CIZ1: variants seen among roughly 807,000 people sequenced by gnomAD.
CIZ1 encodes the protein cip1-interacting zinc finger protein.
CIZ1 carries 58 observed loss-of-function variants against 118.6 expected under a neutral mutation model. The observed-to-expected ratio is 0.49, with a 90% CI of 0.40 to 0.61. The LOEUF (loss-of-function observed/expected upper bound fraction) is 0.61. CIZ1 is among the 20% of genes least tolerant of loss of function. The pLI is 0.00. For missense variants in CIZ1, 921 were observed against 1,115.9 expected (o/e 0.83, Z 2.49); for synonymous variants, 448 against 443.4 (o/e 1.01, Z -0.13).
chr9:128,196,604 ATTAT>A (rs931580382), upstream of CIZ1, among the ~76,000 whole-genome samples: 1 of 151,418 alleles, frequency 6.6e-6, no homozygotes. Context: ...GAATGTCTCT[ATTAT>A]TTATTTATTT....
rs1463165869 is a variant in CIZ1, at chr9:128,176,439, G to C, written c.1855C>G (p.Gln619Glu). 1 of 1,613,710 alleles carries C rather than the reference G, an allele frequency of 6.2e-7. No individual in the cohort carries two copies. Among genetic ancestry groups the C allele is most frequent in the South Asian group, 1.1e-5 (1 of 91,088 alleles). ...ATGTGCTGGATCTCCCCTAGCCGCT[G>C]CTGGTGCTGAGGCTCCGACATGTGG... Reference protein sequence around the residue: ...QDHMSEPQHQQRLGEIQHMSQ... With the variant: ...QDHMSEPQHQERLGEIQHMSQ... The change falls in exon 11 of 17, where the codon CAG becomes GAG. Residue 619 changes from glutamine to glutamate, a missense_variant. By Grantham distance (29) the Gln-to-Glu change is conservative. Coordinates refer to ENST00000372938, the MANE Select transcript of CIZ1 (RefSeq NM_001131016.2).
Position 128,169,174 on chromosome 9 carries a change from C to CAA in CIZ1, c.2172_2173insTT (p.Gly725LeufsTer43). On this transcript the variant is annotated frameshift_variant, in exon 14 of 17. Transcript: ENST00000372938. LOFTEE classifies it high-confidence loss of function. ...GTAATGAAGTGGTCCTCATCTTGGC[C>CAA]AGCAATTTCTTTCTCAAGCGACTTC... The CAA allele has an allele frequency of 6.2e-7, 1 of 1,614,190 alleles. No homozygotes were observed. The highest frequency in any genetic ancestry group is 8.5e-7 in the Non-Finnish European group (1 of 1,180,040).
chr9:128,175,803 G>C (rs1830772273), intron 11 of CIZ1, among the ~76,000 whole-genome samples: 1 of 152,114 alleles, frequency 6.6e-6, no homozygotes, highest in Non-Finnish European at 1.5e-5. Context: ...AGCTAACATG[G>C]TCCTGCTGCT....
intron 1 of CIZ1, among the ~76,000 whole-genome samples, chr9:128,201,689 C>A (rs1833524311): frequency 6.6e-6 from 1 of 152,222 alleles, no homozygotes; most frequent in Admixed American, 6.5e-5. Context: ...GGCATCCTCA[C>A]AGCTGCAGCT....
At chr9:128,194,731 T>C (rs1447765615), upstream of CIZ1, among the ~76,000 whole-genome samples, 3 of 151,932 alleles carry the variant, frequency 2.0e-5, no homozygotes, top group Non-Finnish European at 2.9e-5. Flanking sequence ...GGCAGGAGAA[T>C]CGCTTGAACC....
At chr9:128,184,566 C>T (rs1212812040) in intron 5 of CIZ1, among the ~76,000 whole-genome samples, 1 of 140,034 alleles carries the variant, frequency 7.1e-6, no homozygotes, top group African/African-American at 2.6e-5. Flanking sequence ...GATCATAATT[C>T]ACTGCAGCCT....
At chr9:128,195,004 A>T (rs1183378443), upstream of CIZ1, among the ~76,000 whole-genome samples, 3 of 151,630 alleles carry the variant, frequency 2.0e-5, no homozygotes, top group Non-Finnish European at 4.4e-5. Context: ...TTTTTTTTTT[A>T]AAGACAGGGG....
intron 3 of CIZ1, among the ~76,000 whole-genome samples, chr9:128,188,316 G>A (rs10987915): frequency 6.6e-6 from 1 of 152,098 alleles, no homozygotes; most frequent in Non-Finnish European, 1.5e-5. Context: ...ACAATCATCA[G>A]ATACAAATCC....
chr9:128,190,670 C>G lies in CIZ1; in HGVS notation c.170+18G>C, dbSNP rs1213610092. 7.1e-6 allele frequency: 11 copies of G among 1,548,402 alleles called. No individual in the cohort carries two copies. Among genetic ancestry groups the G allele is most frequent in the Non-Finnish European group, 9.6e-6 (11 of 1,148,226 alleles). Reference sequence around the variant, plus strand: ...GAGTAGCAAGGCTGAAGCCATCGCGCCCGAGAGGGGAACTCACCGGCTGAC... The same window carrying G: ...GAGTAGCAAGGCTGAAGCCATCGCGGCCGAGAGGGGAACTCACCGGCTGAC... On this transcript the variant is annotated intron_variant, in intron 2 of 16. Coordinates refer to ENST00000372938, the MANE Select transcript of CIZ1 (RefSeq NM_001131016.2).
chr9:128,172,147 CAAAAAAAAAAAA>C (rs58895140), intron 11 of CIZ1, among the ~76,000 whole-genome samples: 138 of 69,184 alleles, frequency 2.0e-3, no homozygotes, highest in Middle Eastern at 0.011. Flanking sequence ...GACACTGTCT[CAAAAAAAAAAAA>C]AAAAAAAAAA....
chr9:128,178,497 T>G lies in CIZ1; in HGVS notation c.1499-7A>C. ...GGCAAGGTCTTTTCCATGCCTGAAA[T>G]GACAGATGTGCTGTATTTCCCAGAG... On this transcript the variant is annotated splice_polypyrimidine_tract_variant and splice_region_variant and intron_variant, in intron 8 of 16. Transcript: ENST00000372938. The G allele has an allele frequency of 1.9e-6, 3 of 1,614,174 alleles. No homozygotes were observed. The highest frequency in any genetic ancestry group is 2.5e-6 in the Non-Finnish European group (3 of 1,180,030).
chr9:128,173,446 G>T, intron 11 of CIZ1, among the ~76,000 whole-genome samples: 1 of 151,840 alleles, frequency 6.6e-6, no homozygotes, highest in East Asian at 2.0e-4. Context: ...CGCCCGGCCG[G>T]CTAATTTTTT....
chr9:128,181,070 C>G (rs1831540361), intron 5 of CIZ1, among the ~76,000 whole-genome samples: 1 of 152,156 alleles, frequency 6.6e-6, no homozygotes, highest in African/African-American at 2.4e-5. Flanking sequence ...CACAGTGCTA[C>G]CTCCTGACCT....
rs202210573 is a variant in CIZ1, at chr9:128,178,798, T to G, written c.1409A>C (p.Gln470Pro). Reference protein sequence around the residue: ...QTHEQPHTQPQVSLLAPEQTP... With the variant: ...QTHEQPHTQPPVSLLAPEQTP... ...TTGCTCTGGAGCCAGCAACGACACCTGCGGCTGGGTGTGAGGCTGCTCATG... is the reference window on the plus strand; with the variant it reads ...TTGCTCTGGAGCCAGCAACGACACCGGCGGCTGGGTGTGAGGCTGCTCATG... Residue 470 changes from glutamine to proline, a missense_variant, in exon 8 of 17, where the codon CAG (glutamine) becomes CCG (proline). Physicochemically the swap from Gln to Pro is moderately conservative, Grantham distance 76 (BLOSUM62 -1). Transcript: ENST00000372938. The G allele has an allele frequency of 2.4e-4, 394 of 1,614,270 alleles. 5 individuals are homozygous for G. The South Asian group carries it at 4.0e-3, about 17-fold the overall frequency.
chr9:128,191,877 T>A, upstream of CIZ1: 1 of 1,456,660 alleles, frequency 6.9e-7, no homozygotes, highest in Non-Finnish European at 9.1e-7. The surrounding 1 kb of genome is among the most constrained non-coding windows in gnomAD (Gnocchi z 5.5). Context: ...GCCGCGGTCC[T>A]GCGATCCTGG....
intron 11 of CIZ1, among the ~76,000 whole-genome samples, chr9:128,172,011 G>A (rs1266093797): frequency 1.3e-5 from 2 of 151,884 alleles, no homozygotes; most frequent in Non-Finnish European, 2.9e-5. Flanking sequence ...AACCAAGGCT[G>A]GGCATACCGC....
At chr9:128,191,816 G>C, upstream of CIZ1, 1 of 1,452,216 alleles carries the variant, frequency 6.9e-7, no homozygotes, top group Non-Finnish European at 9.1e-7. This position sits in a 1 kb window ranked among gnomAD's most constrained non-coding sequence, Gnocchi z 5.5. Context: ...GCCATCCCGC[G>C]GGGCATCGAG....
intron 5 of CIZ1, among the ~76,000 whole-genome samples, chr9:128,181,768 G>C (rs1276050727): frequency 9.1e-5 from 7 of 76,856 alleles, no homozygotes; most frequent in Non-Finnish European, 1.5e-4. Flanking sequence ...GAAAGGCGGG[G>C]GGGGGGGGGG....
At chr9:128,171,272 A>T (rs866895646) in intron 11 of CIZ1, among the ~76,000 whole-genome samples, 49 of 151,114 alleles carry the variant, frequency 3.2e-4, no homozygotes, top group African/African-American at 1.1e-3. Context: ...TCTCTATATA[A>T]AATAAAATTA....
Sources: gnomAD v4.1 joint callset for allele counts (sites outside exome capture counted in the v4.1 genomes callset) on GRCh38, gnomAD v4.1.1 for gene constraint, Gnocchi (gnomAD v3.1) non-coding constraint, MANE v1.5 for transcripts, NCBI Gene and HGNC (gene_info 2026-07-23, HGNC 2026-07-21) for gene names.